The following CNTNAP2 variants were observed in gnomAD, a reference collection of about 807,000 sequenced individuals.
CNTNAP2 encodes the protein contactin-associated protein-like 2.
A neutral mutation model predicts 155.2 loss-of-function variants in CNTNAP2; 98 were observed. The observed-to-expected ratio is 0.63, with a 90% CI of 0.54 to 0.75. CNTNAP2 has a LOEUF of 0.75. Among genes scored for constraint, CNTNAP2 ranks in the 30% least tolerant of loss-of-function variants. The pLI is 0.00. For synonymous variants in CNTNAP2, 651 were observed against 631.2 expected (o/e 1.03, Z -0.47); for missense variants, 1,727 against 1,688.1 (o/e 1.02, Z -0.40).
At chr7:146,555,496 G>GTCTA (rs200118562) in intron 1 of CNTNAP2, among the ~76,000 whole-genome samples, 1,151 of 52,392 alleles carry the variant, frequency 0.022, 6 homozygotes, top group East Asian at 0.055. Context: ...TCATCTGTCT[G>GTCTA]TCTATCTATC....
intron 3 of CNTNAP2, among the ~76,000 whole-genome samples, chr7:146,931,640 A>G (rs1276151214): frequency 7.7e-4 from 116 of 151,268 alleles, no homozygotes; most frequent in African/African-American, 2.7e-3. Context: ...AAATTAATGA[A>G]TCCAGGAACT....
chr7:147,424,336 A>C (rs938299937), intron 10 of CNTNAP2, among the ~76,000 whole-genome samples: 1 of 152,176 alleles, frequency 6.6e-6, no homozygotes, highest in Non-Finnish European at 1.5e-5. Context: ...CTGTCAAGTC[A>C]TCAGCAATCT....
At chr7:146,257,434 G>T (rs560745917) in intron 1 of CNTNAP2, among the ~76,000 whole-genome samples, 11 of 152,194 alleles carry the variant, frequency 7.2e-5, no homozygotes, top group African/African-American at 2.4e-4. Flanking sequence ...GCCCCAAAAT[G>T]ACTGTTTTAC....
chr7:147,586,510 C>T, intron 12 of CNTNAP2, among the ~76,000 whole-genome samples: 1 of 36,960 alleles, frequency 2.7e-5, no homozygotes, highest in East Asian at 9.2e-4. Flanking sequence ...CACACACACC[C>T]ACAGAGAGAG....
At chr7:146,636,522 AAAG>A (rs1799602763) in intron 1 of CNTNAP2, among the ~76,000 whole-genome samples, 1 of 152,220 alleles carries the variant, frequency 6.6e-6, no homozygotes, top group Admixed American at 6.5e-5. Flanking sequence ...TTAAATAACT[AAAG>A]AAATCTGAAA....
intron 3 of CNTNAP2, among the ~76,000 whole-genome samples, chr7:146,920,947 A>G (rs1173472904): frequency 2.0e-5 from 3 of 152,236 alleles, no homozygotes; most frequent in Non-Finnish European, 4.4e-5. Flanking sequence ...AGTGCTGTAA[A>G]GAAAATAAAT....
At chr7:146,685,502 C>CA (rs1178688123) in intron 1 of CNTNAP2, among the ~76,000 whole-genome samples, 2 of 151,890 alleles carry the variant, frequency 1.3e-5, no homozygotes, top group Admixed American at 6.6e-5. Context: ...GTGGGAGAAC[C>CA]AAAAAAATAC....
intron 3 of CNTNAP2, among the ~76,000 whole-genome samples, chr7:147,009,111 AACACAAACACAT>A (rs1462073208): frequency 2.0e-5 from 3 of 152,112 alleles, no homozygotes; most frequent in African/African-American, 7.2e-5. Context: ...ATATATAGAA[AACACAAACACAT>A]ACACAAACAT....
intron 17 of CNTNAP2, among the ~76,000 whole-genome samples, chr7:148,154,659 G>A (rs760616756): frequency 1.4e-4 from 22 of 152,164 alleles, no homozygotes; most frequent in Non-Finnish European, 2.9e-4. Context: ...AACTCAGGCC[G>A]GGCATGGTGG....
intron 9 of CNTNAP2, among the ~76,000 whole-genome samples, chr7:147,374,335 T>C (rs1796399107): frequency 1.3e-5 from 2 of 152,236 alleles, no homozygotes; most frequent in South Asian, 4.1e-4. Context: ...TTTTTCACTG[T>C]TACCAGTAAA....
At chr7:146,838,944 G>A (rs1273589856) in intron 2 of CNTNAP2, among the ~76,000 whole-genome samples, 1 of 152,036 alleles carries the variant, frequency 6.6e-6, no homozygotes, top group African/African-American at 2.4e-5. Flanking sequence ...CTTATTTTGT[G>A]TACAACCCTA....
At chr7:147,463,263 T>A (rs183402526) in intron 10 of CNTNAP2, among the ~76,000 whole-genome samples, 74 of 152,356 alleles carry the variant, frequency 4.9e-4, no homozygotes, top group Middle Eastern at 6.8e-3. Context: ...TTGGCCATAA[T>A]TAAGTGCATC....
At chr7:147,155,681 T>C (rs1298563467) in intron 8 of CNTNAP2, among the ~76,000 whole-genome samples, 1 of 152,170 alleles carries the variant, frequency 6.6e-6, no homozygotes, top group African/African-American at 2.4e-5. Flanking sequence ...TATTTTACCA[T>C]GAATAACATG....
intron 21 of CNTNAP2, among the ~76,000 whole-genome samples, chr7:148,317,685 C>G (rs1797714607): frequency 6.6e-6 from 1 of 152,096 alleles, no homozygotes; most frequent in Admixed American, 6.5e-5. Context: ...TAGATAAGGT[C>G]TTGGTTGCCC....
At chr7:146,975,576 A>T (rs2129234988) in intron 3 of CNTNAP2, among the ~76,000 whole-genome samples, 1 of 152,272 alleles carries the variant, frequency 6.6e-6, no homozygotes, top group East Asian at 1.9e-4. Context: ...TCAGTTCGGG[A>T]TTGTAATCAG....
chr7:146,443,927 T>A (rs1382001228), intron 1 of CNTNAP2, among the ~76,000 whole-genome samples: 1 of 152,242 alleles, frequency 6.6e-6, no homozygotes, highest in Non-Finnish European at 1.5e-5. Flanking sequence ...ATTATCACAG[T>A]GTTCTGTATA....
rs565018028 is a variant in CNTNAP2, at chr7:147,354,622, C to CT, written c.1499-40981dup. On this transcript the variant is annotated intron_variant, in intron 9 of 23. Coordinates refer to ENST00000361727, the MANE Select transcript of CNTNAP2 (RefSeq NM_014141.6). ...TAGAATTGTCTTGGCTACATGGGCTCTTTTTTGGTTCCATATGAAATTTAA... is the reference window on the plus strand; with the variant it reads ...TAGAATTGTCTTGGCTACATGGGCTCTTTTTTTGGTTCCATATGAAATTTAA... 1.6e-3 allele frequency among the ~76,000 whole-genome samples: 241 copies of CT among 152,106 alleles called. 1 individual carries two copies. Among genetic ancestry groups the CT allele is most frequent in the African/African-American group, 5.2e-3 (217 of 41,502 alleles).
intron 21 of CNTNAP2, among the ~76,000 whole-genome samples, chr7:148,304,923 G>A (rs2116506135): frequency 6.6e-6 from 1 of 151,962 alleles, no homozygotes; most frequent in East Asian, 1.9e-4. Flanking sequence ...ATATAATAGA[G>A]CTGTGTTTCC....
chr7:146,118,532 C>G (rs1371226940), intron 1 of CNTNAP2, among the ~76,000 whole-genome samples: 1 of 152,014 alleles, frequency 6.6e-6, no homozygotes, highest in Non-Finnish European at 1.5e-5. Context: ...AAAATAAACT[C>G]CTCATATATT....
Sources: gnomAD v4.1 joint callset for allele counts (sites outside exome capture counted in the v4.1 genomes callset) on GRCh38, gnomAD v4.1.1 for gene constraint, MANE v1.5 for transcripts, NCBI Gene and HGNC (gene_info 2026-07-23, HGNC 2026-07-21) for gene names.